Variants in PTPRR observed in about 807,000 individuals in gnomAD.
The protein encoded by PTPRR is protein tyrosine phosphatase receptor type R, also known as receptor-type tyrosine-protein phosphatase R.
In PTPRR, 38 loss-of-function variants were observed where a neutral mutation model predicts 77.2. That is an observed-to-expected ratio of 0.49 (90% CI 0.38 to 0.65). The LOEUF (loss-of-function observed/expected upper bound fraction) is 0.65. Ranked by LOEUF, PTPRR falls within the 30% of genes least tolerant of loss-of-function variation. The pLI, the probability that PTPRR is intolerant of heterozygous loss-of-function variation, is 0.00. For synonymous variants in PTPRR, 299 were observed against 283.1 expected, an observed-to-expected ratio of 1.06 and a Z score of -0.57; for missense variants, 744 against 799.2, an observed-to-expected ratio of 0.93 and a Z score of 0.83.
chr12:70,882,524 C>G (rs533995784), intron 2 of PTPRR, among the ~76,000 whole-genome samples: 1 of 152,256 alleles, frequency 6.6e-6, no homozygotes, highest in South Asian at 2.1e-4. Flanking sequence ...GCCAGTCCGG[C>G]AAGACGCAAG....
intron 10 of PTPRR, among the ~76,000 whole-genome samples, chr12:70,666,545 A>C (rs946059003): frequency 3.3e-5 from 5 of 152,222 alleles, no homozygotes; most frequent in Non-Finnish European, 5.9e-5. Context: ...TTTATGAGAT[A>C]ATTGAATAAG....
chr12:70,803,646 C>A (rs1214867768), intron 2 of PTPRR, among the ~76,000 whole-genome samples: 1 of 152,064 alleles, frequency 6.6e-6, no homozygotes, highest in Non-Finnish European at 1.5e-5. Context: ...CATGGAGAAA[C>A]AGAAGGAAGT....
At chr12:70,866,959 A>G (rs1407103033) in intron 2 of PTPRR, among the ~76,000 whole-genome samples, 1 of 151,818 alleles carries the variant, frequency 6.6e-6, no homozygotes, top group Non-Finnish European at 1.5e-5. Context: ...AGATGCAGAA[A>G]AGGCCTTTGA....
intron 2 of PTPRR, among the ~76,000 whole-genome samples, chr12:70,892,137 T>C (rs924426362): frequency 6.6e-6 from 1 of 152,072 alleles, no homozygotes; most frequent in African/African-American, 2.4e-5. Flanking sequence ...AGAATGGTTA[T>C]TATTCAGTAA....
At chr12:70,741,179 TC>T (rs1454183814) in intron 6 of PTPRR, among the ~76,000 whole-genome samples, 1 of 152,194 alleles carries the variant, frequency 6.6e-6, no homozygotes, top group Non-Finnish European at 1.5e-5. Flanking sequence ...CTCCAGGAGC[TC>T]CTGGTTTCCA....
At chr12:70,906,626 G>T (rs957625049) in intron 1 of PTPRR, among the ~76,000 whole-genome samples, 2 of 151,952 alleles carry the variant, frequency 1.3e-5, no homozygotes, top group Non-Finnish European at 2.9e-5. Flanking sequence ...TACAACATAT[G>T]CTATATACAA....
At chr12:70,908,599 C>G (rs946770095) in intron 1 of PTPRR, among the ~76,000 whole-genome samples, 5 of 152,152 alleles carry the variant, frequency 3.3e-5, no homozygotes, top group Admixed American at 3.3e-4. Context: ...CCTGGTCCCT[C>G]CCACAACAGG....
chr12:70,667,485 T>C (rs529175036), intron 10 of PTPRR, among the ~76,000 whole-genome samples: 2 of 152,238 alleles, frequency 1.3e-5, no homozygotes, highest in African/African-American at 4.8e-5. Context: ...TGGTTACCCA[T>C]GAAATGAAAT....
intron 2 of PTPRR, among the ~76,000 whole-genome samples, chr12:70,885,660 G>A (rs1439179456): frequency 1.3e-5 from 2 of 150,420 alleles, no homozygotes; most frequent in Non-Finnish European, 2.9e-5. Flanking sequence ...TCAGCCTCCC[G>A]AGTAGCTGGG....
In PTPRR at chr12:70,861,740, C is replaced by A. The variant is rs2137079451; in HGVS notation, c.357+30939G>T. ...CTCATACCAAATTACAGTCATCTGTCTAAGGGAGTTATGATATTGTTAAAG... is the reference window on the plus strand; with the variant it reads ...CTCATACCAAATTACAGTCATCTGTATAAGGGAGTTATGATATTGTTAAAG... On this transcript the variant is annotated intron_variant, in intron 2 of 13. Transcript: ENST00000283228. Among the ~76,000 whole-genome samples the A allele has an allele frequency of 1.3e-5, 2 of 152,164 alleles. 1 individual carries two copies. Among genetic ancestry groups the A allele is most frequent in the Admixed American group, 1.3e-4 (2 of 15,274 alleles).
In PTPRR at chr12:70,698,368, T is replaced by C; in HGVS notation, c.1195-19A>G. 1 of 1,598,532 alleles carries C rather than the reference T, an allele frequency of 6.3e-7. No homozygotes were observed. ...GTATTTCCTGCAAAAATAAATAATATCAAATTAGTGTATCTAATACTGCCA... is the reference window on the plus strand; with the variant it reads ...GTATTTCCTGCAAAAATAAATAATACCAAATTAGTGTATCTAATACTGCCA... On this transcript the variant is annotated intron_variant, in intron 7 of 13. Coordinates refer to ENST00000283228, the MANE Select transcript of PTPRR (RefSeq NM_002849.4).
chr12:70,882,100 T>C (rs17108969), intron 2 of PTPRR, among the ~76,000 whole-genome samples: 17,967 of 152,204 alleles, frequency 0.12, 1,932 homozygotes, highest in African/African-American at 0.29. Context: ...TCTGTCATCC[T>C]GTGTCTGGAC....
At position 70,745,897 on chromosome 12, in the gene PTPRR, C is replaced by G. The variant is rs1288902446; in HGVS notation, c.928G>C (p.Ala310Pro). 1.2e-6 allele frequency: 2 copies of G among 1,614,046 alleles called. No individual in the cohort carries two copies. The highest frequency in any genetic ancestry group is 1.7e-6 in the Non-Finnish European group (2 of 1,179,996). ...NVVVDPQGRGAPEIKATTATS... is the reference protein window; with the variant it reads ...NVVVDPQGRGPPEIKATTATS... ...GCGGTGGTAGCTTTGATCTCAGGAGCACCTCGGCCTTGAGGGTCCACGACA... is the reference window on the plus strand; with the variant it reads ...GCGGTGGTAGCTTTGATCTCAGGAGGACCTCGGCCTTGAGGGTCCACGACA... Residue 310 changes from alanine to proline, a missense_variant, in exon 6 of 14, where the codon GCT becomes CCT. Ala to Pro is a conservative substitution (Grantham distance 27). Coordinates refer to ENST00000283228, the MANE Select transcript of PTPRR (RefSeq NM_002849.4).
At chr12:70,715,766 G>A (rs963030510) in intron 6 of PTPRR, among the ~76,000 whole-genome samples, 3 of 152,168 alleles carry the variant, frequency 2.0e-5, no homozygotes, top group African/African-American at 7.2e-5. Context: ...GAACATTGCT[G>A]TTTTCCTGTT....
intron 2 of PTPRR, among the ~76,000 whole-genome samples, chr12:70,782,284 T>A (rs1365421834): frequency 6.6e-6 from 1 of 152,088 alleles, no homozygotes; most frequent in Non-Finnish European, 1.5e-5. Context: ...CCACATTCGA[T>A]TCCTCAAGGA....
chr12:70,914,643 G>C (rs368305624), intron 1 of PTPRR, among the ~76,000 whole-genome samples: 1 of 152,114 alleles, frequency 6.6e-6, no homozygotes, highest in Non-Finnish European at 1.5e-5. Context: ...GAGAAGTGTT[G>C]AGTAAAAATA....
intron 8 of PTPRR, among the ~76,000 whole-genome samples, chr12:70,694,756 A>T (rs1408742380): frequency 4.6e-5 from 7 of 152,204 alleles, no homozygotes; most frequent in Non-Finnish European, 2.9e-5. Flanking sequence ...CGGCAGCATC[A>T]CACAATATAC....
At chr12:70,815,103 G>A (rs1344074623) in intron 2 of PTPRR, among the ~76,000 whole-genome samples, 2 of 141,090 alleles carry the variant, frequency 1.4e-5, no homozygotes, top group East Asian at 2.1e-4. Context: ...GTAGAAGAAA[G>A]TCTGAACATT....
At chr12:70,647,671 G>A (rs1427242834) in intron 13 of PTPRR, among the ~76,000 whole-genome samples, 1 of 152,088 alleles carries the variant, frequency 6.6e-6, no homozygotes, top group African/African-American at 2.4e-5. Context: ...GAGATTAGAA[G>A]GTTTAAGTAT....
Sources: allele counts gnomAD v4.1 joint callset (sites outside exome capture counted in the v4.1 genomes callset), GRCh38; gene constraint gnomAD v4.1.1; transcripts MANE v1.5; gene names NCBI Gene and HGNC (gene_info 2026-07-23, HGNC 2026-07-21).